SPATA13: variants seen among roughly 807,000 people sequenced by gnomAD.
The protein encoded by SPATA13 is spermatogenesis associated 13, also known as spermatogenesis-associated protein 13.
Under a neutral mutation model 104.0 loss-of-function variants are expected in SPATA13, and 50 were observed. That is an observed-to-expected ratio of 0.48 (90% CI 0.38 to 0.61). The LOEUF (loss-of-function observed/expected upper bound fraction) is 0.61. Ranked by LOEUF, SPATA13 falls within the 20% of genes least tolerant of loss-of-function variation. SPATA13 has a pLI of 0.00. For missense variants in SPATA13, 1,524 were observed against 1,690.6 expected (o/e 0.90, Z 1.73); for synonymous variants, 606 against 667.5 (o/e 0.91, Z 1.42).
At chr13:24,114,237 T>G (rs1386983216) in intron 3 of SPATA13, among the ~76,000 whole-genome samples, 3 of 152,202 alleles carry the variant, frequency 2.0e-5, no homozygotes, top group Non-Finnish European at 2.9e-5. Context: ...AAAGAACAAT[T>G]GATATTCCTC....
chr13:24,087,777 G>A (rs1335399947), intron 3 of SPATA13, among the ~76,000 whole-genome samples: 2 of 152,162 alleles, frequency 1.3e-5, no homozygotes, highest in Non-Finnish European at 2.9e-5. Flanking sequence ...GTTCCAGGAA[G>A]CCCGTGTTCT....
Position 24,129,221 on chromosome 13 carries a change from G to A in SPATA13, c.-111-93598G>A, listed in dbSNP as rs188598297. Among the ~76,000 whole-genome samples the A allele has an allele frequency of 3.3e-3, 503 of 152,376 alleles. 1 individual carries two copies. Among genetic ancestry groups the A allele is most frequent in the African/African-American group, 0.011 (472 of 41,586 alleles). ...TGTCGGGTGGGTTTCCACAGTCCAC[G>A]CTGAATGCTGGGGGTCAGAGGAGCA... is the stretch of plus-strand genomic sequence containing the variant. On this transcript the variant is annotated intron_variant, in intron 3 of 14. Coordinates refer to the SPATA13 transcript ENST00000424834.
At chr13:24,138,017 T>G (rs1881628957) in intron 3 of SPATA13, among the ~76,000 whole-genome samples, 1 of 152,034 alleles carries the variant, frequency 6.6e-6, no homozygotes. Flanking sequence ...AAAGTTTTAC[T>G]GGGCCAGGCG....
At chr13:24,238,788 G>A (rs1056702099) in intron 2 of SPATA13, among the ~76,000 whole-genome samples, 7 of 152,168 alleles carry the variant, frequency 4.6e-5, no homozygotes, top group African/African-American at 1.7e-4. Context: ...TACTCTTTGT[G>A]ATATAAATTT....
At chr13:24,079,910 G>A (rs555757381) in intron 3 of SPATA13, among the ~76,000 whole-genome samples, 5 of 152,124 alleles carry the variant, frequency 3.3e-5, no homozygotes, top group South Asian at 2.1e-4. Flanking sequence ...AAGTCAACCC[G>A]TGTCCCAACC....
chr13:24,225,814 A>G (rs575580216), intron 2 of SPATA13, among the ~76,000 whole-genome samples: 1 of 152,222 alleles, frequency 6.6e-6, no homozygotes, highest in Non-Finnish European at 1.5e-5. Context: ...TGAGCTGGCC[A>G]GGAATTTGTT....
chr13:24,172,507 A>G (rs1196688472), intron 1 of SPATA13, among the ~76,000 whole-genome samples: 3 of 152,214 alleles, frequency 2.0e-5, no homozygotes, highest in Non-Finnish European at 4.4e-5. Context: ...AGTTAAGTCC[A>G]TGATCCATTC....
intron 8 of SPATA13, 87 bp downstream of exon 8, chr13:24,289,265 T>C: frequency 8.7e-7 from 1 of 1,154,434 alleles, no homozygotes; most frequent in South Asian, 1.5e-5. Context: ...TCTCTTTTGT[T>C]TTATTGTTTG....
intron 3 of SPATA13, among the ~76,000 whole-genome samples, chr13:24,022,029 A>G (rs1876999193): frequency 1.5e-5 from 2 of 132,940 alleles, no homozygotes; most frequent in Non-Finnish European, 3.2e-5. Flanking sequence ...GAAAATCTTA[A>G]TGTTTCTTTT....
intron 1 of SPATA13, among the ~76,000 whole-genome samples, chr13:24,217,600 A>G (rs1871326370): frequency 6.6e-6 from 1 of 152,248 alleles, no homozygotes; most frequent in African/African-American, 2.4e-5. Flanking sequence ...AGTGTGGGAA[A>G]CATTAGAGAA....
rs144622866 is a variant in SPATA13 at position 24,280,344 on chromosome 13, T to G, written c.2165-3791T>G. Among the ~76,000 whole-genome samples the G allele has an allele frequency of 3.0e-3, 450 of 152,346 alleles. 4 individuals carry two copies. Among genetic ancestry groups the G allele is most frequent in the African/African-American group, 0.01 (424 of 41,572 alleles). Reference sequence around the variant, plus strand: ...ATGATTACAACCAGCTTTTTTTCTTTCTTTACTGATTTTCACAGCAATAGC... The same window carrying G: ...ATGATTACAACCAGCTTTTTTTCTTGCTTTACTGATTTTCACAGCAATAGC... On this transcript the variant is annotated intron_variant, in intron 4 of 12. Coordinates refer to ENST00000382108, the MANE Select transcript of SPATA13 (RefSeq NM_001166271.3).
intron 3 of SPATA13, among the ~76,000 whole-genome samples, chr13:24,022,514 A>G (rs1877028844): frequency 6.6e-6 from 1 of 152,224 alleles, no homozygotes; most frequent in African/African-American, 2.4e-5. Context: ...CAGTTTTGCA[A>G]GACAAAAACC....
intron 1 of SPATA13, among the ~76,000 whole-genome samples, chr13:24,177,393 G>T (rs554175989): frequency 6.6e-6 from 1 of 152,326 alleles, no homozygotes; most frequent in East Asian, 1.9e-4. Flanking sequence ...CACTGTCGGC[G>T]TGAATGCCTG....
At chr13:24,265,728 A>G (rs1418587357) in intron 4 of SPATA13, among the ~76,000 whole-genome samples, 3 of 150,922 alleles carry the variant, frequency 2.0e-5, no homozygotes, top group African/African-American at 7.3e-5. Context: ...GGACAGCATG[A>G]CTCTCCCCTG....
At chr13:24,231,615 A>C (rs769632713) in intron 2 of SPATA13, among the ~76,000 whole-genome samples, 2 of 152,182 alleles carry the variant, frequency 1.3e-5, no homozygotes, top group Non-Finnish European at 2.9e-5. Flanking sequence ...TTGGGTGGAT[A>C]CCTAGGGGTG....
chr13:24,155,808 C>G (rs1245088538), upstream of SPATA13, among the ~76,000 whole-genome samples: 1 of 152,226 alleles, frequency 6.6e-6, no homozygotes, highest in African/African-American at 2.4e-5. Context: ...TCTTGCAAAA[C>G]TGACATTCTG....
At chr13:24,021,335 A>AATATCAGGC (rs1445129945) in intron 3 of SPATA13, among the ~76,000 whole-genome samples, 3 of 152,144 alleles carry the variant, frequency 2.0e-5, no homozygotes, top group African/African-American at 7.2e-5. Context: ...TGATTAAGAG[A>AATATCAGGC]ATATCAGGCA....
At chr13:23,993,265 G>A (rs1875499973) in intron 2 of SPATA13, among the ~76,000 whole-genome samples, 1 of 152,232 alleles carries the variant, frequency 6.6e-6, no homozygotes, top group Non-Finnish European at 1.5e-5. Context: ...GATCAGCCCA[G>A]TTACATCTGT....
chr13:24,080,367 C>T (rs1476623120), intron 3 of SPATA13, among the ~76,000 whole-genome samples: 5 of 152,214 alleles, frequency 3.3e-5, no homozygotes, highest in South Asian at 2.1e-4. Flanking sequence ...CAGGAACCAA[C>T]GACTTACTAG....
Sources: gnomAD v4.1 joint callset for allele counts (sites outside exome capture counted in the v4.1 genomes callset) on GRCh38, gnomAD v4.1.1 for gene constraint, MANE v1.5 for transcripts, NCBI Gene and HGNC (gene_info 2026-07-23, HGNC 2026-07-21) for gene names.